The following GRM1 variants were observed in gnomAD, a reference collection of about 807,000 sequenced individuals.
GRM1 encodes the protein metabotropic glutamate receptor 1.
A neutral mutation model predicts 90.9 loss-of-function variants in GRM1; 33 were observed. The observed-to-expected ratio is 0.36, with a 90% CI of 0.28 to 0.49. The LOEUF is 0.49. Among genes scored for constraint, GRM1 ranks in the 20% least tolerant of loss-of-function variants. The pLI is 0.99. For missense variants in GRM1, 1,190 were observed against 1,534.3 expected (o/e 0.78, Z 3.75); for synonymous variants, 700 against 613.2 (o/e 1.14, Z -2.09).
chr6:146,386,200 G>T (rs2114526389), intron 5 of GRM1, among the ~76,000 whole-genome samples: 1 of 152,100 alleles, frequency 6.6e-6, no homozygotes, highest in South Asian at 2.1e-4. Context: ...TTTGTACTAT[G>T]GAGTGTGAAA....
intron 2 of GRM1, among the ~76,000 whole-genome samples, chr6:146,245,426 C>A (rs939243056): frequency 2.0e-5 from 3 of 152,050 alleles, no homozygotes; most frequent in Admixed American, 6.6e-5. Context: ...GAATAAACAC[C>A]TTGATAAAGA....
chr6:146,039,271 C>G (rs1053847561), intron 1 of GRM1, among the ~76,000 whole-genome samples: 2 of 151,924 alleles, frequency 1.3e-5, no homozygotes, highest in Admixed American at 6.6e-5. Context: ...CATAGAAGGT[C>G]CCCAGAAAAG....
At chr6:146,219,102 C>T (rs1268109931) in intron 2 of GRM1, among the ~76,000 whole-genome samples, 2 of 152,194 alleles carry the variant, frequency 1.3e-5, no homozygotes, top group Non-Finnish European at 2.9e-5. Context: ...TCTTTGCACT[C>T]ATTTCTCATT....
rs550781600 is a variant in GRM1 at position 146,104,740 on chromosome 6, G to A, written c.701-54608G>A. On this transcript the variant is annotated intron_variant, in intron 1 of 7. Coordinates refer to ENST00000282753, the MANE Select transcript of GRM1 (RefSeq NM_001278064.2). ...CTCTAGCGAAATGAACACACAAGTG[G>A]GGATACATTCATAAATGCAACACCA... Among the ~76,000 whole-genome samples, 2 of 152,262 alleles carry A rather than the reference G, an allele frequency of 1.3e-5. 1 individual carries two copies. Among genetic ancestry groups the A allele is most frequent in the South Asian group, 4.1e-4 (2 of 4,824 alleles).
chr6:146,132,985 T>C (rs1182435738), intron 1 of GRM1, among the ~76,000 whole-genome samples: 1 of 152,232 alleles, frequency 6.6e-6, no homozygotes, highest in Non-Finnish European at 1.5e-5. Flanking sequence ...GTTGTCTTTC[T>C]ATGTCCTCTG....
At chr6:146,414,995 G>A (rs1331450054) in intron 7 of GRM1, among the ~76,000 whole-genome samples, 1 of 152,028 alleles carries the variant, frequency 6.6e-6, no homozygotes, top group Non-Finnish European at 1.5e-5. Context: ...TTACTGTATT[G>A]CATTATTACT....
intron 1 of GRM1, among the ~76,000 whole-genome samples, chr6:146,068,259 G>A (rs960024847): frequency 1.3e-5 from 2 of 151,912 alleles, no homozygotes; most frequent in Admixed American, 6.6e-5. Flanking sequence ...GACTACAGGC[G>A]CCCGCCACCT....
intron 1 of GRM1, among the ~76,000 whole-genome samples, chr6:146,096,009 T>A (rs1256003987): frequency 6.6e-6 from 1 of 152,174 alleles, no homozygotes; most frequent in Non-Finnish European, 1.5e-5. Context: ...AAGACGCAGA[T>A]TTATTACCAA....
chr6:146,379,653 G>T (rs1776247059), intron 5 of GRM1, among the ~76,000 whole-genome samples: 1 of 152,090 alleles, frequency 6.6e-6, no homozygotes, highest in Non-Finnish European at 1.5e-5. Flanking sequence ...TTTGGTGCAT[G>T]GACATTGAAG....
At chr6:146,344,946 G>T (rs1202466903) in intron 3 of GRM1, among the ~76,000 whole-genome samples, 1 of 152,026 alleles carries the variant, frequency 6.6e-6, no homozygotes, top group Non-Finnish European at 1.5e-5. Flanking sequence ...CTAGTAGCTG[G>T]GATTCCAGGC....
At chr6:146,334,916 G>T (rs986015708) in intron 3 of GRM1, among the ~76,000 whole-genome samples, 1 of 152,080 alleles carries the variant, frequency 6.6e-6, no homozygotes, top group Admixed American at 6.6e-5. Context: ...TATATGATGA[G>T]ACTTCGTACT....
intron 2 of GRM1, among the ~76,000 whole-genome samples, chr6:146,246,175 A>G (rs1781053433): frequency 6.6e-6 from 1 of 152,206 alleles, no homozygotes; most frequent in Admixed American, 6.5e-5. Flanking sequence ...ACTAGCAGTT[A>G]TACTCCAGAG....
chr6:146,426,307 GACAC>G (rs111288696), intron 7 of GRM1, among the ~76,000 whole-genome samples: 8 of 149,892 alleles, frequency 5.3e-5, no homozygotes, highest in South Asian at 2.1e-4. Context: ...ACCTGGGGTA[GACAC>G]ACACACACAC....
rs931372865 is a variant in GRM1, at chr6:146,434,916, C to A, written c.*120C>A. 1.2e-6 allele frequency: 1 copy of A among 850,488 alleles called. No homozygotes were observed. The highest frequency in any genetic ancestry group is 1.7e-5 in the African/African-American group (1 of 60,212). The allele number at this position is 850,488 out of a possible 1,614,324, so 52.7% of individuals were successfully genotyped here. ...GGGGCCTCGTCGGGAGGACAGGAGA[C>A]CGCTGCTGCTGCTGCCGCTACTGCT... On this transcript the variant is annotated 3_prime_UTR_variant, in exon 8 of 8. Coordinates refer to ENST00000282753, the MANE Select transcript of GRM1 (RefSeq NM_001278064.2).
intron 1 of GRM1, among the ~76,000 whole-genome samples, chr6:146,151,925 C>A (rs1480881654): frequency 6.6e-6 from 1 of 152,112 alleles, no homozygotes; most frequent in East Asian, 1.9e-4. Context: ...TAGAGCATAT[C>A]TTGATGTAAC....
intron 6 of GRM1, among the ~76,000 whole-genome samples, chr6:146,388,076 T>G (rs1776574409): frequency 6.6e-6 from 1 of 152,100 alleles, no homozygotes; most frequent in African/African-American, 2.4e-5. Flanking sequence ...ATAAATGAAT[T>G]TTGTTTTTCA....
At chr6:146,094,566 ACTTC>A (rs1776815879) in intron 1 of GRM1, among the ~76,000 whole-genome samples, 1 of 152,126 alleles carries the variant, frequency 6.6e-6, no homozygotes, top group Admixed American at 6.6e-5. Context: ...ATTTTAAACA[ACTTC>A]CTTAGGTTAC....
At chr6:146,259,709 A>G (rs1490481592) in intron 2 of GRM1, among the ~76,000 whole-genome samples, 1 of 152,044 alleles carries the variant, frequency 6.6e-6, no homozygotes, top group Non-Finnish European at 1.5e-5. Flanking sequence ...TCGTTGATGA[A>G]CATTTGGGTT....
At chr6:146,165,931 T>C (rs1010774040) in intron 2 of GRM1, among the ~76,000 whole-genome samples, 7 of 152,114 alleles carry the variant, frequency 4.6e-5, no homozygotes, top group African/African-American at 1.4e-4. Flanking sequence ...ATGTTTCAGA[T>C]ACCGGACATC....
Sources: allele counts gnomAD v4.1 joint callset (sites outside exome capture counted in the v4.1 genomes callset), GRCh38; gene constraint gnomAD v4.1.1; transcripts MANE v1.5; gene names NCBI Gene and HGNC (gene_info 2026-07-23, HGNC 2026-07-21).